The following ZNF540 variants were observed in gnomAD, a reference collection of about 807,000 sequenced individuals.
ZNF540 encodes zinc finger protein 540.
A neutral mutation model predicts 11.8 loss-of-function variants in ZNF540; 3 were observed. That is an observed-to-expected ratio of 0.25 (90% CI 0.12 to 0.65). The LOEUF is 0.65. Among genes scored for constraint, ZNF540 ranks in the 30% least tolerant of loss-of-function variants. The pLI, the probability that ZNF540 is intolerant of heterozygous loss-of-function variation, is 0.83. For synonymous variants in ZNF540, 247 were observed against 259.0 expected (o/e 0.95, Z 0.45); for missense variants, 709 against 793.1 (o/e 0.89, Z 1.27).
At chr19:37,565,573 C>T (rs2042825300) in intron 1 of ZNF540, 4 of 1,613,458 alleles carry the variant, frequency 2.5e-6, no homozygotes, top group Non-Finnish European at 3.4e-6. Context: ...TAAAGGCCTT[C>T]CCACAATCCT....
intron 3 of ZNF540, 52 bp from the exon 4 acceptor site, chr19:37,600,957 GA>G: frequency 7.0e-7 from 1 of 1,430,792 alleles, no homozygotes. Context: ...AAATGTTTCT[GA>G]ATGTGCAATG....
At chr19:37,590,659 C>T (rs1286995429), upstream of ZNF540, among the ~76,000 whole-genome samples, 1 of 151,934 alleles carries the variant, frequency 6.6e-6, no homozygotes, top group African/African-American at 2.4e-5. Context: ...AATTAGCAAA[C>T]AAAAAAGCAA....
intron 1 of ZNF540, among the ~76,000 whole-genome samples, chr19:37,557,902 C>T (rs73031330): frequency 0.27 from 40,595 of 151,950 alleles, 6,467 homozygotes; most frequent in Non-Finnish European, 0.37. Context: ...CTGCTTGGCT[C>T]GCAGACAACT....
At chr19:37,565,251 A>G in intron 1 of ZNF540, 5 of 1,612,508 alleles carry the variant, frequency 3.1e-6, no homozygotes, top group Non-Finnish European at 4.2e-6. Flanking sequence ...CATTCTTTGC[A>G]TTTATAAGGT....
Position 37,612,470 on chromosome 19 carries a change from A to G in ZNF540, c.1190A>G (p.Gln397Arg). 6.2e-7 allele frequency: 1 copy of G among 1,614,212 alleles called. No homozygotes were observed. The highest frequency in any genetic ancestry group is 1.6e-4 in the Middle Eastern group (1 of 6,062). Residue 397 changes from glutamine (Q) to arginine (R), a missense_variant, in exon 5 of 5, where the codon CAG becomes CGG. Physicochemically the swap from Gln to Arg is conservative, Grantham distance 43. Transcript: ENST00000316433. ...GGGAAATCATTTAATGTGCGTGGACAGCTTAATCGGCATAAAACAATCCAT... is the reference window on the plus strand; with the variant it reads ...GGGAAATCATTTAATGTGCGTGGACGGCTTAATCGGCATAAAACAATCCAT... ...ECGKSFNVRG[Q>R]LNRHKTIHTG...
chr19:37,592,181 C>T (rs1163314592), upstream of ZNF540, among the ~76,000 whole-genome samples: 2 of 152,060 alleles, frequency 1.3e-5, 1 homozygote, highest in Non-Finnish European at 2.9e-5. Flanking sequence ...CCTTTTGAAC[C>T]TGGGAGGTGG....
intron 1 of ZNF540, among the ~76,000 whole-genome samples, chr19:37,551,962 G>T (rs1004514990): frequency 1.1e-4 from 17 of 152,020 alleles, no homozygotes; most frequent in Middle Eastern, 6.8e-3. Context: ...CGCTTTCTTG[G>T]GGGTCATTGA....
At chr19:37,607,148 A>C (rs1210420711) in intron 4 of ZNF540, among the ~76,000 whole-genome samples, 1 of 152,108 alleles carries the variant, frequency 6.6e-6, no homozygotes, top group East Asian at 1.9e-4. Context: ...CTTTCTATTA[A>C]TTAACAAACT....
At chr19:37,571,819 A>C (rs2043064209) in intron 1 of ZNF540, among the ~76,000 whole-genome samples, 1 of 152,236 alleles carries the variant, frequency 6.6e-6, no homozygotes, top group East Asian at 1.9e-4. Flanking sequence ...GCCTTTTGCA[A>C]CAACTTTTTG....
intron 1 of ZNF540, among the ~76,000 whole-genome samples, chr19:37,598,079 A>C (rs1407297797): frequency 6.6e-6 from 1 of 152,174 alleles, no homozygotes; most frequent in Non-Finnish European, 1.5e-5. Context: ...TACTCTGGGC[A>C]ATTCTGAACA....
chr19:37,613,380 G>A lies in ZNF540; in HGVS notation c.*117G>A. Reference sequence around the variant, plus strand: ...ACATATTAACTTAATAAATGTATGAGTCTTAAATACCTCTTAGTTCTCATT... The same window carrying A: ...ACATATTAACTTAATAAATGTATGAATCTTAAATACCTCTTAGTTCTCATT... On this transcript the variant is annotated 3_prime_UTR_variant, in exon 5 of 5. Coordinates refer to ENST00000316433, the MANE Select transcript of ZNF540 (RefSeq NM_001172225.3). The A allele has an allele frequency of 1.4e-6, 1 of 705,494 alleles. No homozygotes were observed. The highest frequency in any genetic ancestry group is 2.1e-6 in the Non-Finnish European group (1 of 468,982). 43.7% of individuals were successfully genotyped at this position (705,494 alleles called of 1,614,324 possible). A position where few individuals can be genotyped will look rare whatever the true frequency, so the allele number is the denominator to read the frequency against.
chr19:37,603,340 T>C (rs996227470), intron 4 of ZNF540, among the ~76,000 whole-genome samples: 4 of 152,134 alleles, frequency 2.6e-5, no homozygotes, highest in Non-Finnish European at 4.4e-5. Flanking sequence ...ATGAAAATGA[T>C]TCTATAGAAA....
rs748670492 is a variant in ZNF540 at position 37,612,644 on chromosome 19, C to G, written c.1364C>G (p.Thr455Ser). 1.2e-6 allele frequency: 2 copies of G among 1,614,070 alleles called. No homozygotes were observed. Among genetic ancestry groups the G allele is most frequent in the Admixed American group, 3.3e-5 (2 of 60,018 alleles). Residue 455 changes from threonine (T) to serine (S), a missense_variant, in exon 5 of 5, where the codon ACT (threonine) becomes AGT (serine). Physicochemically the swap from Thr to Ser is moderately conservative, Grantham distance 58. Transcript: ENST00000316433. ...GKAFMLRSVL[T>S]EHQRLHTGVK... ...GCCTTTATGCTTCGTTCAGTCCTTA[C>G]TGAACATCAGAGACTTCATACTGGT...
chr19:37,589,373 G>A (rs540485832), intron 1 of ZNF540, among the ~76,000 whole-genome samples: 44 of 151,442 alleles, frequency 2.9e-4, no homozygotes, highest in African/African-American at 9.7e-4. Flanking sequence ...GAAAATATGC[G>A]CAACTTAAAT....
Position 37,569,648 on chromosome 19 carries a change from C to T in ZNF540, c.-73+17983C>T, listed in dbSNP as rs1008355134. ...TTCATAACCTCTAGCAGGTTCTGCC[C>T]GGCCTGGCTCCAGTCAACCTCTCCG... On this transcript the variant is annotated intron_variant, in intron 1 of 4. Coordinates refer to the ZNF540 transcript ENST00000592533. The surrounding 1 kb of genome is among the most constrained non-coding windows in gnomAD (Gnocchi z 4.4). Among the ~76,000 whole-genome samples, 7 of 152,096 alleles carry T rather than the reference C, an allele frequency of 4.6e-5. No homozygotes were observed. Among genetic ancestry groups the T allele is most frequent in the African/African-American group, 1.4e-4 (6 of 41,392 alleles).
At chr19:37,568,206 T>G (rs1441032407) in intron 1 of ZNF540, among the ~76,000 whole-genome samples, 1 of 152,006 alleles carries the variant, frequency 6.6e-6, no homozygotes, top group Non-Finnish European at 1.5e-5. Context: ...GAAAAATAAA[T>G]ACACATCAGT....
intron 1 of ZNF540, chr19:37,584,197 A>G (rs868778966): frequency 1.9e-5 from 29 of 1,557,300 alleles, no homozygotes; most frequent in Admixed American, 1.1e-4. Flanking sequence ...AAGTAACACA[A>G]AACAACAGGA....
intron 1 of ZNF540, chr19:37,556,005 C>A: frequency 1.4e-6 from 1 of 701,878 alleles, no homozygotes; most frequent in South Asian, 1.5e-5. Context: ...ATTCCCAGGA[C>A]AGAGGTAAAA....
In ZNF540 at chr19:37,586,971, CTT is replaced by C. The variant is rs937664007; in HGVS notation, c.-72-11404_-72-11403del. 5.1e-5 allele frequency: 21 copies of C among 409,594 alleles called. 1 individual carries two copies. The highest frequency in any genetic ancestry group is 4.1e-4 in the African/African-American group (20 of 48,434). The allele number at this position is 409,594 out of a possible 1,614,324, so 25.4% of individuals were successfully genotyped here. The stretch of plus-strand genomic sequence containing the variant: ...CTGTTACTTTCCCATGGCATCTCCT[CTT>C]CCACAGTAGAACAGAGGCATGCCCA... On this transcript the variant is annotated intron_variant, in intron 1 of 4. Transcript: ENST00000592533.
Sources: allele counts gnomAD v4.1 joint callset (sites outside exome capture counted in the v4.1 genomes callset), GRCh38; gene constraint gnomAD v4.1.1; non-coding constraint Gnocchi (gnomAD v3.1); transcripts MANE v1.5; gene names NCBI Gene and HGNC (gene_info 2026-07-23, HGNC 2026-07-21).